LIN28B: variants seen among roughly 807,000 people sequenced by gnomAD.
LIN28B encodes the protein protein lin-28 homolog B.
Under a neutral mutation model 21.9 loss-of-function variants are expected in LIN28B, and 5 were observed. The observed-to-expected ratio is 0.23, with a 90% CI of 0.12 to 0.48. The LOEUF is 0.48. LIN28B is among the 20% of genes least tolerant of loss of function. The pLI is 0.98. For missense variants in LIN28B, 245 were observed against 310.5 expected, an observed-to-expected ratio of 0.79 and a Z score of 1.58; for synonymous variants, 109 against 111.3, an observed-to-expected ratio of 0.98 and a Z score of 0.13.
At chr6:104,948,712 A>G (rs1051916199) in intron 2 of LIN28B, among the ~76,000 whole-genome samples, 1 of 152,210 alleles carries the variant, frequency 6.6e-6, no homozygotes, top group African/African-American at 2.4e-5. Flanking sequence ...CATTTAAACA[A>G]TGCTATTTTT....
chr6:105,074,954 G>T (rs1034220628), intron 3 of LIN28B, among the ~76,000 whole-genome samples: 1 of 151,986 alleles, frequency 6.6e-6, no homozygotes, highest in African/African-American at 2.4e-5. Context: ...TGATCTGTCC[G>T]CCTCAGCCTC....
At chr6:105,075,767 A>G (rs1222352975) in intron 3 of LIN28B, among the ~76,000 whole-genome samples, 2 of 152,224 alleles carry the variant, frequency 1.3e-5, no homozygotes, top group African/African-American at 2.4e-5. Flanking sequence ...TGAGTGGGCA[A>G]AATGGTTCCC....
chr6:105,035,843 T>C (rs985382576), intron 3 of LIN28B, among the ~76,000 whole-genome samples: 8 of 152,226 alleles, frequency 5.3e-5, no homozygotes, highest in Non-Finnish European at 7.4e-5. Flanking sequence ...AAATATTTAC[T>C]TCAGCTTTTA....
At chr6:105,013,587 C>T (rs1004867464) in intron 2 of LIN28B, among the ~76,000 whole-genome samples, 1 of 151,498 alleles carries the variant, frequency 6.6e-6, no homozygotes, top group Admixed American at 6.6e-5. Context: ...AAAATAAGCC[C>T]GGTGTGGTGG....
At chr6:104,986,484 T>G (rs9500006) in intron 2 of LIN28B, among the ~76,000 whole-genome samples, 3,197 of 151,638 alleles carry the variant, frequency 0.021, 129 homozygotes, top group African/African-American at 0.074. Flanking sequence ...CTCTTTATTT[T>G]AGGTCCTTTT....
rs536793642 is a variant in LIN28B, at chr6:105,026,499, T to C, written c.383+17T>C. On this transcript the variant is annotated intron_variant, in intron 3 of 3. Coordinates refer to ENST00000345080, the MANE Select transcript of LIN28B (RefSeq NM_001004317.4). ...GGGAGATAGGTAATCATTTTTACTT[T>C]GTTAATTTATCAGTTTATTGTGTTT... The C allele has an allele frequency of 5.2e-5, 77 of 1,471,868 alleles. No homozygotes were observed. In the South Asian group the frequency reaches 8.9e-4, roughly 17 times the overall value. 91.2% of individuals were successfully genotyped at this position (1,471,868 alleles called of 1,614,324 possible). A position where few individuals can be genotyped will look rare whatever the true frequency, so the allele number is the denominator to read the frequency against.
chr6:104,952,129 A>C (rs1016111417), upstream of LIN28B, among the ~76,000 whole-genome samples: 1 of 152,168 alleles, frequency 6.6e-6, no homozygotes, highest in Non-Finnish European at 1.5e-5. Context: ...ATTTCTTTTG[A>C]TGAAATAGAG....
intron 2 of LIN28B, among the ~76,000 whole-genome samples, chr6:105,015,647 A>C (rs1562093488): frequency 6.6e-6 from 1 of 152,090 alleles, no homozygotes; most frequent in Non-Finnish European, 1.5e-5. Flanking sequence ...ATATTTTTAA[A>C]ATTCCATTTT....
chr6:104,956,136 AC>A (rs1778286161), upstream of LIN28B, among the ~76,000 whole-genome samples: 1 of 149,028 alleles, frequency 6.7e-6, no homozygotes, highest in Non-Finnish European at 1.5e-5. Flanking sequence ...TCTCCACCCC[AC>A]CCCCTGCCCG....
chr6:104,964,955 CTT>C (rs1273956341), intron 2 of LIN28B, among the ~76,000 whole-genome samples: 2 of 152,050 alleles, frequency 1.3e-5, no homozygotes, highest in African/African-American at 4.8e-5. Flanking sequence ...TAATACCTAA[CTT>C]TTAAAGTTGT....
intron 2 of LIN28B, among the ~76,000 whole-genome samples, chr6:105,018,522 G>A (rs913963702): frequency 2.0e-5 from 3 of 152,010 alleles, no homozygotes; most frequent in African/African-American, 7.2e-5. Context: ...TACACCTCAC[G>A]TGTAAAGCTT....
chr6:104,966,864 G>A (rs893035223), intron 2 of LIN28B, among the ~76,000 whole-genome samples: 4 of 151,926 alleles, frequency 2.6e-5, no homozygotes, highest in South Asian at 2.1e-4. Context: ...GTTGTGATCC[G>A]CCCACTTCGG....
intron 3 of LIN28B, among the ~76,000 whole-genome samples, chr6:105,034,053 G>A (rs1169280652): frequency 6.6e-6 from 1 of 151,756 alleles, no homozygotes; most frequent in Non-Finnish European, 1.5e-5. Context: ...TTAATACTTG[G>A]TGAATAAAAA....
intron 2 of LIN28B, among the ~76,000 whole-genome samples, chr6:104,983,453 C>G (rs757154211): frequency 7.2e-5 from 11 of 152,318 alleles, no homozygotes; most frequent in Non-Finnish European, 1.5e-4. Flanking sequence ...GGCTGCCTTT[C>G]CTTGAGTAGC....
At chr6:105,059,195 G>A (rs1389777617) in intron 3 of LIN28B, among the ~76,000 whole-genome samples, 2 of 150,096 alleles carry the variant, frequency 1.3e-5, no homozygotes, top group African/African-American at 2.4e-5. Context: ...TGTATGTTGT[G>A]TGTGTGTGTG....
In LIN28B at chr6:104,958,129, C is replaced by A; in HGVS notation, c.41C>A (p.Pro14His). 1 of 1,603,092 alleles carries A rather than the reference C, an allele frequency of 6.2e-7. No individual in the cohort carries two copies. Among genetic ancestry groups the A allele is most frequent in the South Asian group, 1.1e-5 (1 of 89,618 alleles). ...GGASKGGGEE[P>H]GKLPEPAEEE... is the part of the protein sequence containing the mutation. ...GCTAGCAAAGGTGGTGGAGAAGAGC[C>A]CGGGAAGCTGCCGGAGCCGGCAGAG... Residue 14 changes from proline (P) to histidine (H), a missense_variant, in exon 2 of 4, where the codon CCC (proline) becomes CAC (histidine). Pro to His is a moderately conservative substitution (Grantham distance 77). Transcript: ENST00000345080.
intron 3 of LIN28B, among the ~76,000 whole-genome samples, chr6:105,077,819 ACT>A (rs1361043302): frequency 3.9e-5 from 6 of 152,104 alleles, no homozygotes; most frequent in Admixed American, 6.6e-5. Flanking sequence ...TTCTGACTAG[ACT>A]CTGACTTTCT....
At chr6:104,995,929 A>T (rs1770590129) in intron 2 of LIN28B, among the ~76,000 whole-genome samples, 1 of 150,762 alleles carries the variant, frequency 6.6e-6, no homozygotes, top group Non-Finnish European at 1.5e-5. Context: ...AGTAAGGTTT[A>T]AAAAATATTT....
intron 3 of LIN28B, among the ~76,000 whole-genome samples, chr6:105,047,858 C>A (rs1239582222): frequency 8.6e-5 from 13 of 151,954 alleles, no homozygotes; most frequent in African/African-American, 3.1e-4. Flanking sequence ...TGATTTTTGC[C>A]CATTGATTTT....
Sources: allele counts gnomAD v4.1 joint callset (sites outside exome capture counted in the v4.1 genomes callset), GRCh38; gene constraint gnomAD v4.1.1; transcripts MANE v1.5; gene names NCBI Gene and HGNC (gene_info 2026-07-23, HGNC 2026-07-21).